Variants in FAT3 observed in about 807,000 individuals in gnomAD.
FAT3 encodes the protein FAT atypical cadherin 3.
FAT3 carries 95 observed loss-of-function variants against 310.2 expected under a neutral mutation model. The observed-to-expected ratio is 0.31, with a 90% confidence interval of 0.26 to 0.36. The LOEUF (loss-of-function observed/expected upper bound fraction) is 0.36. FAT3 is among the 10% of genes least tolerant of loss of function. FAT3 has a pLI of 1.00. For synonymous variants in FAT3, 2,314 were observed against 2,192.9 expected (o/e 1.06, Z -1.54); for missense variants, 5,408 against 5,715.6 (o/e 0.95, Z 1.74).
At chr11:92,314,374 C>A in intron 1 of FAT3, 1 of 730,604 alleles carries the variant, frequency 1.4e-6, no homozygotes, top group Middle Eastern at 6.8e-4. Flanking sequence ...ACATATGAAG[C>A]CCCTCATTGC....
chr11:92,306,350 G>C (rs566047525), intron 1 of FAT3, among the ~76,000 whole-genome samples: 1 of 150,366 alleles, frequency 6.7e-6, no homozygotes, highest in South Asian at 2.1e-4. Flanking sequence ...AGAGTCCATA[G>C]TGGTGCTCTT....
intron 1 of FAT3, among the ~76,000 whole-genome samples, chr11:92,240,856 T>C (rs1864645298): frequency 6.6e-6 from 1 of 152,084 alleles, no homozygotes; most frequent in African/African-American, 2.4e-5. Flanking sequence ...CAGCTGGTTT[T>C]GCTCAGTTAC....
intron 1 of FAT3, among the ~76,000 whole-genome samples, chr11:92,285,125 G>A (rs1208070983): frequency 2.0e-5 from 3 of 152,114 alleles, no homozygotes; most frequent in Non-Finnish European, 4.4e-5. Flanking sequence ...ATGAATTAGG[G>A]AGTGTTCAGA....
chr11:92,849,131 A>G (rs553935207), intron 19 of FAT3, among the ~76,000 whole-genome samples: 1 of 152,368 alleles, frequency 6.6e-6, no homozygotes, highest in Admixed American at 6.5e-5. Context: ...CAAAACTTGG[A>G]AAGGTCAATT....
intron 6 of FAT3, among the ~76,000 whole-genome samples, chr11:92,772,342 G>C (rs1042311467): frequency 6.6e-6 from 1 of 151,944 alleles, no homozygotes; most frequent in Non-Finnish European, 1.5e-5. Context: ...AGAATGTACC[G>C]CTTAATAGCA....
chr11:92,767,537 C>T (rs1385883296), intron 6 of FAT3, among the ~76,000 whole-genome samples: 1 of 152,176 alleles, frequency 6.6e-6, no homozygotes, highest in Non-Finnish European at 1.5e-5. Context: ...TGAAATCCTA[C>T]TGGCATGCCT....
chr11:92,615,517 G>C (rs1318060205), intron 3 of FAT3, among the ~76,000 whole-genome samples: 1 of 152,142 alleles, frequency 6.6e-6, no homozygotes, highest in African/African-American at 2.4e-5. Flanking sequence ...GAAGTGCTGG[G>C]ATTACAGGCG....
intron 1 of FAT3, among the ~76,000 whole-genome samples, chr11:92,252,774 A>G (rs899156896): frequency 6.6e-6 from 1 of 152,130 alleles, no homozygotes; most frequent in Non-Finnish European, 1.5e-5. Context: ...CAGATTCACA[A>G]ATCCCACTGA....
At chr11:92,546,497 A>G (rs2135424917) in intron 3 of FAT3, among the ~76,000 whole-genome samples, 1 of 152,344 alleles carries the variant, frequency 6.6e-6, no homozygotes, top group East Asian at 1.9e-4. Flanking sequence ...GAAAGAAGTA[A>G]GAAGGGAGGT....
intron 22 of FAT3, among the ~76,000 whole-genome samples, chr11:92,875,165 TAA>T (rs11421964): frequency 6.9e-6 from 1 of 145,044 alleles, no homozygotes; most frequent in Admixed American, 7.0e-5. Context: ...CTTCTTTCAC[TAA>T]AAAAAAAATC....
intron 2 of FAT3, among the ~76,000 whole-genome samples, chr11:92,356,854 G>T (rs1057488374): frequency 6.6e-6 from 1 of 152,100 alleles, no homozygotes; most frequent in African/African-American, 2.4e-5. Flanking sequence ...CAGAAAAAAT[G>T]ATTTAAGAAA....
chr11:92,697,774 C>G (rs753780421), intron 4 of FAT3, among the ~76,000 whole-genome samples: 7 of 152,076 alleles, frequency 4.6e-5, no homozygotes, highest in African/African-American at 1.7e-4. Context: ...GGGCCACAGA[C>G]GTAAAAAGAG....
At chr11:92,564,889 G>A (rs1332462838) in intron 3 of FAT3, among the ~76,000 whole-genome samples, 2 of 142,070 alleles carry the variant, frequency 1.4e-5, no homozygotes, top group Admixed American at 1.5e-4. Flanking sequence ...TCAAAGCAGT[G>A]TGTAGAGGGA....
At chr11:92,797,510 C>T (rs1360942193) in intron 9 of FAT3, among the ~76,000 whole-genome samples, 2 of 152,224 alleles carry the variant, frequency 1.3e-5, no homozygotes, top group East Asian at 3.9e-4. Context: ...AAGTCCTATA[C>T]ATTCTTAGCA....
rs1326767684 is a variant in FAT3 at position 92,844,188 on chromosome 11, C to T, written c.10821C>T (p.Ala3607=). 6.2e-7 allele frequency: 1 copy of T among 1,614,000 alleles called. No homozygotes were observed. Among genetic ancestry groups the T allele is most frequent in the Non-Finnish European group, 8.5e-7 (1 of 1,179,888 alleles). Residue 3607 remains alanine (A), a synonymous_variant, in exon 19 of 28, where the codon GCC becomes GCT. Coordinates refer to ENST00000525166, the MANE Select transcript of FAT3 (RefSeq NM_001367949.2). ...KVNSHDGKII[A]LGGLDSGKYV... ...ACAGTCACGATGGGAAAATCATCGC[C>T]CTGGGAGGCCTGGACAGCGGCAAGT... is the stretch of plus-strand genomic sequence containing the variant.
intron 2 of FAT3, among the ~76,000 whole-genome samples, chr11:92,508,911 T>G (rs937524760): frequency 7.2e-5 from 11 of 152,178 alleles, no homozygotes; most frequent in African/African-American, 2.7e-4. Flanking sequence ...TTCTGACATT[T>G]TATTTAAAAA....
At chr11:92,451,494 ACAG>A (rs1381110681) in intron 2 of FAT3, among the ~76,000 whole-genome samples, 1 of 152,168 alleles carries the variant, frequency 6.6e-6, no homozygotes, top group African/African-American at 2.4e-5. Context: ...TGCGTAATTA[ACAG>A]CAGCCAGCAT....
intron 6 of FAT3, 66 bp downstream of exon 6, chr11:92,765,155 A>C: frequency 7.4e-7 from 1 of 1,348,738 alleles, no homozygotes; most frequent in Non-Finnish European, 1.0e-6. Flanking sequence ...CTAGGAAAAA[A>C]AAAAAAAAGA....
At chr11:92,884,206 G>A (rs546224071) in intron 24 of FAT3, among the ~76,000 whole-genome samples, 2 of 152,190 alleles carry the variant, frequency 1.3e-5, no homozygotes, top group Non-Finnish European at 2.9e-5. Context: ...GGAGCTTGCT[G>A]AGCACCAGAG....
Sources: gnomAD v4.1 joint callset for allele counts (sites outside exome capture counted in the v4.1 genomes callset) on GRCh38, gnomAD v4.1.1 for gene constraint, MANE v1.5 for transcripts, NCBI Gene and HGNC (gene_info 2026-07-23, HGNC 2026-07-21) for gene names.